Variants in MMS22L observed in about 807,000 individuals in gnomAD.
MMS22L encodes MMS22 like, DNA repair protein.
A neutral mutation model predicts 159.1 loss-of-function variants in MMS22L; 74 were observed. The ratio of observed to expected loss-of-function variants is 0.47; its 90% CI spans 0.39 to 0.56. MMS22L has a LOEUF of 0.56. MMS22L is among the 20% of genes least tolerant of loss of function. The pLI, the probability that MMS22L is intolerant of heterozygous loss-of-function variation, is 0.00. For synonymous variants in MMS22L, 517 were observed against 506.9 expected (o/e 1.02, Z -0.27); for missense variants, 1,351 against 1,422.1 (o/e 0.95, Z 0.80).
At chr6:97,187,066 T>C (rs974123171) in intron 14 of MMS22L, among the ~76,000 whole-genome samples, 1 of 147,414 alleles carries the variant, frequency 6.8e-6, no homozygotes, top group African/African-American at 2.5e-5. Context: ...CTTTAGGACA[T>C]GGATGTACCA....
At chr6:97,174,321 TTGAGAACTTATAA>T in intron 18 of MMS22L, among the ~76,000 whole-genome samples, 1 of 152,104 alleles carries the variant, frequency 6.6e-6, no homozygotes, top group South Asian at 2.1e-4. Flanking sequence ...CAAACCATTT[TTGAGAACTTATAA>T]TGAATTCCAA....
chr6:97,262,138 A>C (rs1455748901), intron 9 of MMS22L, among the ~76,000 whole-genome samples: 1 of 152,198 alleles, frequency 6.6e-6, no homozygotes, highest in East Asian at 1.9e-4. Flanking sequence ...CCAACTTGAT[A>C]AACTCTGAAC....
chr6:97,211,136 T>C (rs1808331231), intron 14 of MMS22L, among the ~76,000 whole-genome samples: 1 of 152,018 alleles, frequency 6.6e-6, no homozygotes, highest in Non-Finnish European at 1.5e-5. Flanking sequence ...TACATTGGAA[T>C]TCCTCTTAGG....
At chr6:97,220,707 A>G (rs912106449) in intron 14 of MMS22L, among the ~76,000 whole-genome samples, 2 of 152,096 alleles carry the variant, frequency 1.3e-5, no homozygotes, top group Non-Finnish European at 2.9e-5. Flanking sequence ...AAGAAAGGGT[A>G]TACATATATG....
chr6:97,250,322 A>C (rs1813113420), intron 10 of MMS22L, among the ~76,000 whole-genome samples: 1 of 152,160 alleles, frequency 6.6e-6, no homozygotes, highest in Non-Finnish European at 1.5e-5. Context: ...CTTCCAGCAG[A>C]CTAGGTAGTC....
At chr6:97,152,939 C>T (rs1005681439) in intron 22 of MMS22L, among the ~76,000 whole-genome samples, 2 of 151,482 alleles carry the variant, frequency 1.3e-5, no homozygotes, top group African/African-American at 4.9e-5. Flanking sequence ...GGGCTCAAGC[C>T]ATCCTCCCAC....
At chr6:97,263,209 C>T (rs1299072395) in intron 9 of MMS22L, 126 bp downstream of exon 9, 5 of 608,930 alleles carry the variant, frequency 8.2e-6, no homozygotes, top group African/African-American at 2.0e-5. Flanking sequence ...TCAGTTATTG[C>T]TCTATTGGTG....
intron 14 of MMS22L, among the ~76,000 whole-genome samples, chr6:97,208,337 G>A (rs918396898): frequency 9.2e-5 from 14 of 152,212 alleles, no homozygotes; most frequent in African/African-American, 2.4e-4. Context: ...ATTACTGCCA[G>A]AACCATCTAT....
At chr6:97,278,723 G>A (rs1279364653) in intron 4 of MMS22L, 126 bp downstream of exon 4, 6 of 651,782 alleles carry the variant, frequency 9.2e-6, no homozygotes, top group East Asian at 3.0e-5. Context: ...CACTAAATTC[G>A]TAAACTTCTG....
chr6:97,185,739 T>A (rs899385815), intron 15 of MMS22L, among the ~76,000 whole-genome samples: 1 of 152,148 alleles, frequency 6.6e-6, no homozygotes. Context: ...CTAGGATAAA[T>A]ATTGGTTTAA....
chr6:97,269,844 T>TA (rs2128088417), intron 7 of MMS22L, 58 bp downstream of exon 7: 1 of 1,266,610 alleles, frequency 7.9e-7, no homozygotes, highest in African/African-American at 1.5e-5. Context: ...TATGTAATTT[T>TA]AAAAAGCAAT....
At chr6:97,258,830 A>G (rs1814114154) in intron 9 of MMS22L, 1 of 152,212 alleles carries the variant, frequency 6.6e-6, no homozygotes, top group African/African-American at 2.4e-5. Flanking sequence ...TACATTCTTA[A>G]GTTACCTGGG....
intron 14 of MMS22L, among the ~76,000 whole-genome samples, chr6:97,217,255 A>T (rs1233160265): frequency 6.6e-6 from 1 of 151,846 alleles, no homozygotes; most frequent in African/African-American, 2.4e-5. Flanking sequence ...TTATTTATTT[A>T]TTTTTTTGAG....
intron 4 of MMS22L, among the ~76,000 whole-genome samples, chr6:97,275,045 T>C (rs1816121671): frequency 6.6e-6 from 1 of 152,200 alleles, no homozygotes; most frequent in South Asian, 2.1e-4. Context: ...GGATTACAAC[T>C]ACACAATAGC....
In MMS22L at chr6:97,255,564, T is replaced by C. The variant is rs190571579; in HGVS notation, c.943-831A>G. Among the ~76,000 whole-genome samples, 6 of 152,238 alleles carry C rather than the reference T, an allele frequency of 3.9e-5. No individual in the cohort carries two copies. In the East Asian group the frequency reaches 1.2e-3, roughly 29 times the overall value. ...CTTATTGCTAACATCTTGAGATAAA[T>C]TATTAGTTCATTTGCAATCTTTCTT... is the stretch of plus-strand genomic sequence containing the variant. On this transcript the variant is annotated intron_variant, in intron 9 of 24. Transcript: ENST00000683635.
At chr6:97,167,612 C>T (rs1161274717) in intron 20 of MMS22L, among the ~76,000 whole-genome samples, 1 of 152,106 alleles carries the variant, frequency 6.6e-6, no homozygotes, top group Non-Finnish European at 1.5e-5. Context: ...TAAAGCCCTC[C>T]ATTACATGGC....
At chr6:97,224,938 A>G (rs924197505) in intron 14 of MMS22L, among the ~76,000 whole-genome samples, 18 of 152,170 alleles carry the variant, frequency 1.2e-4, no homozygotes, top group African/African-American at 4.1e-4. Context: ...GTTAATTAAA[A>G]ATATAGTGTA....
intron 14 of MMS22L, among the ~76,000 whole-genome samples, chr6:97,192,306 T>C (rs1805970952): frequency 6.6e-6 from 1 of 152,146 alleles, no homozygotes; most frequent in Non-Finnish European, 1.5e-5. Flanking sequence ...CCGTCACATA[T>C]AATTACAGAG....
chr6:97,275,744 C>G (rs1225835931), intron 4 of MMS22L, among the ~76,000 whole-genome samples: 2 of 152,194 alleles, frequency 1.3e-5, no homozygotes, highest in Non-Finnish European at 2.9e-5. Context: ...GTGGGTGATA[C>G]CTATAATGCT....
Sources: gnomAD v4.1 joint callset for allele counts (sites outside exome capture counted in the v4.1 genomes callset) on GRCh38, gnomAD v4.1.1 for gene constraint, MANE v1.5 for transcripts, NCBI Gene and HGNC (gene_info 2026-07-23, HGNC 2026-07-21) for gene names.